PTPRD: variants seen among roughly 807,000 people sequenced by gnomAD.
The protein encoded by PTPRD is receptor-type tyrosine-protein phosphatase delta.
In PTPRD, 34 loss-of-function variants were observed where a neutral mutation model predicts 214.5. The observed-to-expected ratio is 0.16, with a 90% confidence interval of 0.12 to 0.21. The LOEUF (loss-of-function observed/expected upper bound fraction) is 0.21. Among genes scored for constraint, PTPRD ranks in the 10% least tolerant of loss-of-function variants. PTPRD has a pLI of 1.00. For missense variants in PTPRD, 2,545 were observed against 2,398.7 expected (o/e 1.06, Z -1.27); for synonymous variants, 1,128 against 845.7 (o/e 1.33, Z -5.79).
intron 39 of PTPRD, among the ~76,000 whole-genome samples, chr9:8,347,247 C>T (rs946573339): frequency 1.3e-5 from 2 of 152,096 alleles, no homozygotes; most frequent in Non-Finnish European, 2.9e-5. Context: ...TTTACCAGCA[C>T]ATATGACTAT....
At chr9:9,368,541 CAG>C (rs1165474321) in intron 9 of PTPRD, among the ~76,000 whole-genome samples, 3 of 151,676 alleles carry the variant, frequency 2.0e-5, no homozygotes, top group Non-Finnish European at 4.4e-5. Context: ...ATATTAAAGT[CAG>C]AGAGAGGCTA....
intron 35 of PTPRD, among the ~76,000 whole-genome samples, chr9:8,416,219 AAAC>A (rs1163280769): frequency 6.6e-6 from 1 of 152,206 alleles, no homozygotes; most frequent in Non-Finnish European, 1.5e-5. Flanking sequence ...GTGGAAAGAT[AAAC>A]TTTTACTGTT....
chr9:10,193,402 T>A (rs888757474), intron 3 of PTPRD, among the ~76,000 whole-genome samples: 11 of 151,910 alleles, frequency 7.2e-5, no homozygotes, highest in Non-Finnish European at 1.5e-4. Flanking sequence ...TAGAGTAGGA[T>A]CTAGTAAAGA....
At chr9:10,014,059 AG>A (rs1555467989) in intron 4 of PTPRD, among the ~76,000 whole-genome samples, 1 of 151,978 alleles carries the variant, frequency 6.6e-6, no homozygotes, top group Non-Finnish European at 1.5e-5. Flanking sequence ...TTCACATGTC[AG>A]CCCCTATCAT....
At chr9:10,352,891 G>T (rs1267629662) in intron 2 of PTPRD, among the ~76,000 whole-genome samples, 1 of 151,842 alleles carries the variant, frequency 6.6e-6, no homozygotes, top group Non-Finnish European at 1.5e-5. Flanking sequence ...GCATAATACT[G>T]ATTCCTAAAT....
At chr9:8,965,918 C>G (rs1329398616) in intron 11 of PTPRD, among the ~76,000 whole-genome samples, 1 of 152,064 alleles carries the variant, frequency 6.6e-6, no homozygotes, top group Middle Eastern at 3.2e-3. Context: ...ACTATGAGAA[C>G]TGATAAACAA....
intron 11 of PTPRD, among the ~76,000 whole-genome samples, chr9:9,017,026 G>C (rs558102657): frequency 6.6e-6 from 1 of 151,962 alleles, no homozygotes; most frequent in Non-Finnish European, 1.5e-5. Flanking sequence ...ATGTATGGTG[G>C]CCTAGTAGTG....
intron 7 of PTPRD, among the ~76,000 whole-genome samples, chr9:9,652,190 C>G (rs1016440311): frequency 8.5e-5 from 13 of 152,164 alleles, no homozygotes; most frequent in African/African-American, 3.1e-4. Flanking sequence ...CAAAGCCTTT[C>G]TGCTCTATTA....
chr9:9,487,079 CTTTAAG>C lies in PTPRD; in HGVS notation c.-237+87647_-237+87652del, dbSNP rs545456989. On this transcript the variant is annotated intron_variant, in intron 8 of 45. Transcript: ENST00000381196. ...TTTCTTTTTTATTATTATTATGATA[CTTTAAG>C]TTTTAGGGTACATTTGCACAATGTG... Among the ~76,000 whole-genome samples the C allele has an allele frequency of 3.6e-3, 545 of 152,102 alleles. 1 individual carries two copies. Among genetic ancestry groups the C allele is most frequent in the African/African-American group, 0.011 (459 of 41,470 alleles).
intron 8 of PTPRD, among the ~76,000 whole-genome samples, chr9:9,528,879 T>C (rs2074788337): frequency 6.6e-6 from 1 of 151,066 alleles, no homozygotes; most frequent in Non-Finnish European, 1.5e-5. Flanking sequence ...ATTTATACAA[T>C]AAAATATAGG....
intron 3 of PTPRD, among the ~76,000 whole-genome samples, chr9:10,142,886 C>G (rs1402582245): frequency 6.8e-6 from 1 of 147,860 alleles, no homozygotes; most frequent in South Asian, 2.2e-4. Context: ...AAATGTCCAA[C>G]AATGATAGAC....
chr9:9,598,738 C>A (rs1199592168), intron 7 of PTPRD, among the ~76,000 whole-genome samples: 4 of 151,764 alleles, frequency 2.6e-5, no homozygotes, highest in African/African-American at 9.7e-5. Flanking sequence ...ACTTTTAATG[C>A]CTTTCCCTCA....
At chr9:9,925,629 A>C (rs1263789709) in intron 5 of PTPRD, among the ~76,000 whole-genome samples, 1 of 140,580 alleles carries the variant, frequency 7.1e-6, no homozygotes, top group Non-Finnish European at 1.7e-5. Flanking sequence ...AAATTTTTTA[A>C]AAAAAACTCT....
chr9:9,792,487 A>C (rs1021025652), intron 5 of PTPRD, among the ~76,000 whole-genome samples: 2 of 152,180 alleles, frequency 1.3e-5, no homozygotes, highest in East Asian at 3.9e-4. Flanking sequence ...GTATGTGTGA[A>C]AATTCCCATT....
At chr9:10,361,565 C>A (rs1045924639) in intron 2 of PTPRD, among the ~76,000 whole-genome samples, 1 of 151,880 alleles carries the variant, frequency 6.6e-6, no homozygotes, top group East Asian at 1.9e-4. Context: ...ACTATACACC[C>A]GAAATAAGCA....
chr9:8,952,707 C>T (rs1328535106), intron 11 of PTPRD, among the ~76,000 whole-genome samples: 1 of 151,590 alleles, frequency 6.6e-6, no homozygotes, highest in Admixed American at 6.6e-5. Flanking sequence ...ATTTATTTGG[C>T]TCTTAACGGT....
chr9:10,595,594 T>A (rs1262843226), intron 2 of PTPRD, among the ~76,000 whole-genome samples: 4 of 151,614 alleles, frequency 2.6e-5, no homozygotes, highest in African/African-American at 9.7e-5. Context: ...TAAATATAAT[T>A]TGCCTATATT....
chr9:9,766,595 T>G (rs1174585), intron 6 of PTPRD, among the ~76,000 whole-genome samples: 32,541 of 152,074 alleles, frequency 0.21, 4,888 homozygotes, highest in African/African-American at 0.41. Flanking sequence ...AATATAGATT[T>G]TATGGATTAA....
At chr9:8,993,257 G>C (rs576104340) in intron 11 of PTPRD, among the ~76,000 whole-genome samples, 6 of 152,174 alleles carry the variant, frequency 3.9e-5, no homozygotes, top group Non-Finnish European at 2.9e-5. Context: ...CCCCAGGACA[G>C]GTTGCTTAAC....
Sources: allele counts gnomAD v4.1 joint callset (sites outside exome capture counted in the v4.1 genomes callset), GRCh38; gene constraint gnomAD v4.1.1; transcripts MANE v1.5; gene names NCBI Gene and HGNC (gene_info 2026-07-23, HGNC 2026-07-21).